CEP112: variants seen among roughly 807,000 people sequenced by gnomAD.
CEP112 encodes centrosomal protein 112.
A neutral mutation model predicts 153.0 loss-of-function variants in CEP112; 127 were observed. That is an observed-to-expected ratio of 0.83 (90% confidence interval 0.72 to 0.96). The LOEUF (loss-of-function observed/expected upper bound fraction) is 0.96. Among genes scored for constraint, CEP112 ranks in the 40% least tolerant of loss-of-function variants. The probability of loss-of-function intolerance (pLI) is 0.00; values close to 1 mark genes in which losing one functional copy is unlikely to be tolerated. For missense variants in CEP112, 1,089 were observed against 1,101.2 expected (o/e 0.99, Z 0.16); for synonymous variants, 358 against 374.4 (o/e 0.96, Z 0.51).
chr17:66,181,707 T>C (rs2072730271), intron 2 of CEP112, among the ~76,000 whole-genome samples: 1 of 152,138 alleles, frequency 6.6e-6, no homozygotes, highest in Admixed American at 6.5e-5. Context: ...TGATTTGAAA[T>C]ACATTTACAA....
At chr17:66,029,332 C>G (rs2065362524) in intron 13 of CEP112, 80 bp from the exon 14 acceptor site, 1 of 962,686 alleles carries the variant, frequency 1.0e-6, no homozygotes, top group African/African-American at 1.7e-5. Context: ...CAGCTAAATC[C>G]AAATACATTT....
intron 20 of CEP112, among the ~76,000 whole-genome samples, chr17:65,869,317 T>C (rs1207468180): frequency 6.6e-6 from 1 of 152,240 alleles, no homozygotes; most frequent in African/African-American, 2.4e-5. Context: ...TTTTCAACTC[T>C]TGTTCTACTA....
chr17:65,896,538 T>A (rs796733290), intron 20 of CEP112, among the ~76,000 whole-genome samples: 2 of 152,018 alleles, frequency 1.3e-5, no homozygotes, highest in African/African-American at 4.8e-5. Context: ...ATTTGTATAG[T>A]AATATATAAA....
At chr17:66,103,429 C>A (rs1358859238) in intron 6 of CEP112, among the ~76,000 whole-genome samples, 2 of 151,990 alleles carry the variant, frequency 1.3e-5, no homozygotes, top group Non-Finnish European at 2.9e-5. Context: ...ACTAGAACAC[C>A]TCATCATTTG....
intron 21 of CEP112, among the ~76,000 whole-genome samples, chr17:65,817,620 T>C (rs1260965277): frequency 6.6e-6 from 1 of 151,974 alleles, no homozygotes; most frequent in Admixed American, 6.6e-5. Flanking sequence ...AAATTTTGTT[T>C]TGGCTCTATT....
intron 4 of CEP112, among the ~76,000 whole-genome samples, chr17:66,163,632 A>G (rs117332957): frequency 0.034 from 5,177 of 152,216 alleles, 132 homozygotes; most frequent in Middle Eastern, 0.061. Context: ...ACAGATCCAT[A>G]AACACTTTAA....
chr17:66,057,114 A>G (rs12948534), intron 11 of CEP112, among the ~76,000 whole-genome samples: 62,436 of 152,004 alleles, frequency 0.41, 14,297 homozygotes, highest in East Asian at 0.87. Flanking sequence ...TTGTGAGGTC[A>G]ACCAGATTTG....
At chr17:65,693,577 G>A (rs964733853) in intron 23 of CEP112, among the ~76,000 whole-genome samples, 1 of 152,086 alleles carries the variant, frequency 6.6e-6, no homozygotes, top group Admixed American at 6.6e-5. Context: ...TGGAAAAAAG[G>A]GACTCAGAGA....
chr17:65,844,882 C>T (rs567895502), intron 21 of CEP112, among the ~76,000 whole-genome samples: 45 of 151,778 alleles, frequency 3.0e-4, no homozygotes, highest in African/African-American at 9.7e-4. Flanking sequence ...GGCATGGTGG[C>T]GCCCATCTCT....
chr17:65,811,038 C>T (rs1372150130), intron 21 of CEP112, among the ~76,000 whole-genome samples: 7 of 152,114 alleles, frequency 4.6e-5, no homozygotes, highest in African/African-American at 9.7e-5. Context: ...GAAGAATAGA[C>T]GGAGATGAAA....
chr17:65,641,974 C>T (rs968402721), intron 24 of CEP112, among the ~76,000 whole-genome samples: 1 of 152,136 alleles, frequency 6.6e-6, no homozygotes, highest in African/African-American at 2.4e-5. Context: ...CTAACTGATG[C>T]TCACTGGGCT....
At chr17:65,982,130 A>G (rs1265190511) in intron 17 of CEP112, among the ~76,000 whole-genome samples, 1 of 152,186 alleles carries the variant, frequency 6.6e-6, no homozygotes, top group East Asian at 1.9e-4. Context: ...ATATTTTAAT[A>G]CAGGCCTAAT....
chr17:65,814,369 T>A (rs1211571046), intron 21 of CEP112, among the ~76,000 whole-genome samples: 1 of 152,204 alleles, frequency 6.6e-6, no homozygotes, highest in East Asian at 1.9e-4. Flanking sequence ...AGGCATATTG[T>A]TACCATGTGG....
intron 23 of CEP112, among the ~76,000 whole-genome samples, chr17:65,703,728 C>G (rs1255061622): frequency 6.8e-6 from 1 of 146,908 alleles, no homozygotes; most frequent in Non-Finnish European, 1.5e-5. Context: ...GCTATTACTT[C>G]CATCCTTCAA....
chr17:65,894,030 C>A (rs1008695548), intron 20 of CEP112, among the ~76,000 whole-genome samples: 4 of 152,012 alleles, frequency 2.6e-5, no homozygotes, highest in Admixed American at 2.6e-4. Flanking sequence ...CTTACAGAAC[C>A]GATTGAGTCA....
intron 20 of CEP112, among the ~76,000 whole-genome samples, chr17:65,864,253 C>G (rs935789985): frequency 6.6e-6 from 1 of 152,104 alleles, no homozygotes; most frequent in Non-Finnish European, 1.5e-5. Context: ...CCTAACTATC[C>G]ATTACCTCTT....
At chr17:65,823,739 G>A (rs12601588) in intron 21 of CEP112, among the ~76,000 whole-genome samples, 151,558 of 152,276 alleles carry the variant, frequency 1, 75,424 homozygotes, top group Non-Finnish European at 1. Context: ...AACAACTTGA[G>A]TCCAGAATAC....
At chr17:65,796,869 C>CAAAAA (rs1220753944) in intron 21 of CEP112, among the ~76,000 whole-genome samples, 9 of 40,074 alleles carry the variant, frequency 2.2e-4, no homozygotes, top group Middle Eastern at 0.016. Context: ...CCCATCTCTA[C>CAAAAA]AAAAAAAAAA....
chr17:66,043,851 A>G (rs2066089521), intron 12 of CEP112, among the ~76,000 whole-genome samples: 1 of 152,220 alleles, frequency 6.6e-6, no homozygotes, highest in South Asian at 2.1e-4. Flanking sequence ...CTCAACAAAA[A>G]AGAAAAAAGC....
Sources: gnomAD v4.1 joint callset for allele counts (sites outside exome capture counted in the v4.1 genomes callset) on GRCh38, gnomAD v4.1.1 for gene constraint, MANE v1.5 for transcripts, NCBI Gene and HGNC (gene_info 2026-07-23, HGNC 2026-07-21) for gene names.